CEP128: variants seen among roughly 807,000 people sequenced by gnomAD.
CEP128 encodes the protein centrosomal protein 128.
A neutral mutation model predicts 156.7 loss-of-function variants in CEP128; 132 were observed. The observed-to-expected ratio is 0.84, with a 90% CI of 0.73 to 0.97. CEP128 has a LOEUF of 0.97. Ranked by LOEUF, CEP128 falls within the 50% of genes least tolerant of loss-of-function variation. The probability of loss-of-function intolerance (pLI) is 0.00; values close to 1 mark genes in which losing one functional copy is unlikely to be tolerated. For synonymous variants in CEP128, 469 were observed against 448.9 expected (o/e 1.04, Z -0.57); for missense variants, 1,252 against 1,281.9 (o/e 0.98, Z 0.36).
intron 19 of CEP128, among the ~76,000 whole-genome samples, chr14:80,737,419 A>T (rs76089382): frequency 1.3e-5 from 2 of 151,874 alleles, no homozygotes; most frequent in African/African-American, 4.8e-5. Context: ...AGAAAAAAGA[A>T]AAAAAATTAT....
At chr14:80,728,672 A>G (rs1266329643) in intron 19 of CEP128, among the ~76,000 whole-genome samples, 1 of 152,020 alleles carries the variant, frequency 6.6e-6, no homozygotes, top group East Asian at 1.9e-4. Flanking sequence ...TTATTTATTG[A>G]TTCTTATTGT....
intron 22 of CEP128, among the ~76,000 whole-genome samples, chr14:80,528,010 A>T (rs545979479): frequency 6.6e-6 from 1 of 151,420 alleles, no homozygotes; most frequent in East Asian, 1.9e-4. Flanking sequence ...TTTGGTATGT[A>T]AAAAAAAACA....
At chr14:80,779,804 A>G (rs1418029372) in intron 15 of CEP128, among the ~76,000 whole-genome samples, 1 of 152,228 alleles carries the variant, frequency 6.6e-6, no homozygotes, top group African/African-American at 2.4e-5. Context: ...GGTTTTTATT[A>G]CGTTTATATT....
chr14:80,922,669 A>C (rs891904412), intron 2 of CEP128, among the ~76,000 whole-genome samples: 1 of 152,242 alleles, frequency 6.6e-6, no homozygotes, highest in Non-Finnish European at 1.5e-5. Flanking sequence ...TAGAAGAAGA[A>C]AAACATTTAT....
chr14:80,634,769 C>T (rs1410849237), intron 19 of CEP128, among the ~76,000 whole-genome samples: 3 of 152,178 alleles, frequency 2.0e-5, no homozygotes, highest in Non-Finnish European at 4.4e-5. Context: ...ACCACTTCAG[C>T]TTACCTCCCG....
At chr14:80,726,227 C>G (rs1378658669) in intron 19 of CEP128, among the ~76,000 whole-genome samples, 1 of 152,126 alleles carries the variant, frequency 6.6e-6, no homozygotes, top group East Asian at 1.9e-4. Context: ...TTCCTAACAA[C>G]AAAAAGCACA....
intron 19 of CEP128, among the ~76,000 whole-genome samples, chr14:80,621,760 C>T (rs550806511): frequency 2.0e-5 from 3 of 152,184 alleles, no homozygotes; most frequent in South Asian, 2.1e-4. Flanking sequence ...CATTTTTTAC[C>T]GATAACTCAA....
At chr14:80,603,431 G>A (rs187337908) in intron 19 of CEP128, among the ~76,000 whole-genome samples, 1 of 152,264 alleles carries the variant, frequency 6.6e-6, no homozygotes, top group Admixed American at 6.5e-5. Flanking sequence ...ACTGATAGCT[G>A]CATGACCTTG....
chr14:80,576,637 G>T (rs5019764), intron 20 of CEP128, among the ~76,000 whole-genome samples: 85,159 of 151,044 alleles, frequency 0.56, 24,282 homozygotes, highest in East Asian at 0.72. Flanking sequence ...GTGTGTGTGT[G>T]TGTGTGTGTG....
chr14:80,862,827 ATC>A lies in CEP128; in HGVS notation c.690_691del (p.Glu230AspfsTer32), dbSNP rs745906537. On this transcript the variant is annotated frameshift_variant, in exon 9 of 25. Transcript: ENST00000555265. LOFTEE classifies it high-confidence loss of function. ...TTCCACCAGCTCCCTTTCTGTGCGCATCTCTCTCTCCAGTTCCTGAAGCCGCC... is the reference window on the plus strand; with the variant it reads ...TTCCACCAGCTCCCTTTCTGTGCGCATCTCTCTCCAGTTCCTGAAGCCGCC... The A allele has an allele frequency of 9.3e-6, 15 of 1,613,992 alleles. No homozygotes were observed. Among genetic ancestry groups the A allele is most frequent in the Non-Finnish European group, 1.1e-5 (13 of 1,179,934 alleles).
intron 19 of CEP128, among the ~76,000 whole-genome samples, chr14:80,643,221 C>G (rs189216823): frequency 9.2e-5 from 14 of 152,274 alleles, no homozygotes; most frequent in African/African-American, 2.9e-4. Flanking sequence ...CCTAATTTAA[C>G]TAGATAAACC....
chr14:80,928,945 A>G (rs1338344167), intron 2 of CEP128, among the ~76,000 whole-genome samples: 1 of 152,188 alleles, frequency 6.6e-6, no homozygotes, highest in African/African-American at 2.4e-5. Context: ...AACAACCTAC[A>G]GGATGGGAGA....
At chr14:80,919,614 A>G (rs961348890) in intron 2 of CEP128, among the ~76,000 whole-genome samples, 1 of 152,156 alleles carries the variant, frequency 6.6e-6, no homozygotes, top group African/African-American at 2.4e-5. Context: ...TATAAAACAC[A>G]CTGCACTGAA....
chr14:80,570,191 C>T (rs1469610751), intron 20 of CEP128, among the ~76,000 whole-genome samples: 1 of 152,148 alleles, frequency 6.6e-6, no homozygotes, highest in African/African-American at 2.4e-5. Flanking sequence ...AATCTTGGCT[C>T]ACTGCAACCT....
At chr14:80,769,475 C>G (rs1434809480) in intron 16 of CEP128, among the ~76,000 whole-genome samples, 1 of 151,910 alleles carries the variant, frequency 6.6e-6, no homozygotes, top group Non-Finnish European at 1.5e-5. Context: ...TCCCATTGTT[C>G]AGTTCCCACC....
At chr14:80,628,465 T>C (rs1893824629) in intron 19 of CEP128, among the ~76,000 whole-genome samples, 1 of 152,170 alleles carries the variant, frequency 6.6e-6, no homozygotes, top group African/African-American at 2.4e-5. Flanking sequence ...TAAACTAATT[T>C]CAAACTATGA....
At chr14:80,660,398 T>C (rs1043710788) in intron 19 of CEP128, among the ~76,000 whole-genome samples, 2 of 152,208 alleles carry the variant, frequency 1.3e-5, no homozygotes, top group African/African-American at 4.8e-5. Context: ...GATATCAATC[T>C]TGAGAAAGCC....
At chr14:80,478,268 T>A (rs990572991) in exon 15 of CEP128, 1 of 151,818 alleles carries the variant, frequency 6.6e-6, no homozygotes, top group Non-Finnish European at 1.5e-5. Flanking sequence ...CTGCTCTTTG[T>A]TCCCTCTCTT....
intron 9 of CEP128, among the ~76,000 whole-genome samples, chr14:80,855,065 T>C (rs528521842): frequency 6.6e-6 from 1 of 152,356 alleles, no homozygotes; most frequent in East Asian, 1.9e-4. Context: ...CCCCGATTTA[T>C]ACTACACACA....
Sources: allele counts gnomAD v4.1 joint callset (sites outside exome capture counted in the v4.1 genomes callset), GRCh38; gene constraint gnomAD v4.1.1; transcripts MANE v1.5; gene names NCBI Gene and HGNC (gene_info 2026-07-23, HGNC 2026-07-21).